Variants in ARHGEF3 observed in about 807,000 individuals in gnomAD.
ARHGEF3 encodes Rho guanine nucleotide exchange factor 3, also known as 59.8 kDA protein.
Under a neutral mutation model 63.2 loss-of-function variants are expected in ARHGEF3, and 28 were observed. That is an observed-to-expected ratio of 0.44 (90% CI 0.33 to 0.61). ARHGEF3 has a LOEUF of 0.61. ARHGEF3 is among the 20% of genes least tolerant of loss of function. The probability of loss-of-function intolerance (pLI) is 0.03; values close to 1 mark genes in which losing one functional copy is unlikely to be tolerated. For missense variants in ARHGEF3, 533 were observed against 659.3 expected (o/e 0.81, Z 2.10); for synonymous variants, 266 against 254.2 (o/e 1.05, Z -0.44).
chr3:57,037,657 G>A (rs578073925), intron 1 of ARHGEF3, among the ~76,000 whole-genome samples: 1 of 152,322 alleles, frequency 6.6e-6, no homozygotes, highest in African/African-American at 2.4e-5. Flanking sequence ...GGCGGATCAC[G>A]AGGTCAGGAG....
Position 56,792,568 on chromosome 3 carries a change from A to G in ARHGEF3, c.96+9135T>C, listed in dbSNP as rs190502616. ...TGTGTGATCTTGGGCAAATCATTGG[A>G]CCTCTCTGACCCTTGGTATCTCGTC... is the stretch of plus-strand genomic sequence containing the variant. On this transcript the variant is annotated intron_variant, in intron 1 of 9. Coordinates refer to ENST00000296315, the MANE Select transcript of ARHGEF3 (RefSeq NM_019555.3). Among the ~76,000 whole-genome samples, 98 of 152,260 alleles carry G rather than the reference A, an allele frequency of 6.4e-4. 1 individual carries two copies. The highest frequency in any genetic ancestry group is 2.1e-3 in the African/African-American group (89 of 41,534).
At chr3:56,969,487 T>C (rs1700811353) in intron 2 of ARHGEF3, among the ~76,000 whole-genome samples, 1 of 152,068 alleles carries the variant, frequency 6.6e-6, no homozygotes, top group South Asian at 2.1e-4. Context: ...AAGGTACATA[T>C]AAGGGCCGGG....
intron 1 of ARHGEF3, among the ~76,000 whole-genome samples, chr3:56,799,741 G>A (rs7637380): frequency 0.43 from 65,767 of 152,072 alleles, 17,081 homozygotes; most frequent in Non-Finnish European, 0.56. Context: ...ACTCACTTAG[G>A]TTTCTTTTTC....
chr3:56,815,309 A>G (rs1578586539), intron 4 of ARHGEF3, among the ~76,000 whole-genome samples: 1 of 152,298 alleles, frequency 6.6e-6, no homozygotes, highest in African/African-American at 2.4e-5. Flanking sequence ...GATTCTATTA[A>G]ACAGCAAAGA....
chr3:56,844,970 C>T (rs1019022667), intron 4 of ARHGEF3, among the ~76,000 whole-genome samples: 4 of 152,158 alleles, frequency 2.6e-5, no homozygotes, highest in Non-Finnish European at 5.9e-5. Flanking sequence ...GTTATGTACT[C>T]ATATTTTGAG....
chr3:56,901,026 A>C (rs1211392301), intron 3 of ARHGEF3, among the ~76,000 whole-genome samples: 1 of 152,188 alleles, frequency 6.6e-6, no homozygotes, highest in African/African-American at 2.4e-5. Context: ...TAGGGGTGGA[A>C]AGTGGGTAAT....
At chr3:56,968,062 A>T (rs1351368644) in intron 2 of ARHGEF3, among the ~76,000 whole-genome samples, 1 of 12,778 alleles carries the variant, frequency 7.8e-5, no homozygotes, top group African/African-American at 2.5e-4. Flanking sequence ...AATATATATA[A>T]TATATATAAT....
chr3:56,884,742 G>C (rs889869072), intron 3 of ARHGEF3, among the ~76,000 whole-genome samples: 5 of 152,246 alleles, frequency 3.3e-5, no homozygotes, highest in African/African-American at 4.8e-5. Flanking sequence ...CGTTTGTACA[G>C]GGCCCTGATC....
intron 4 of ARHGEF3, among the ~76,000 whole-genome samples, chr3:56,879,889 G>A (rs1394327152): frequency 2.6e-5 from 4 of 152,170 alleles, no homozygotes; most frequent in Non-Finnish European, 5.9e-5. Context: ...CTTCTCCTGT[G>A]TGGCTCTATC....
intron 2 of ARHGEF3, among the ~76,000 whole-genome samples, chr3:57,027,677 A>G (rs1703532106): frequency 6.6e-6 from 1 of 152,160 alleles, no homozygotes; most frequent in Non-Finnish European, 1.5e-5. Flanking sequence ...CAACGTGGTG[A>G]AACCCTTTTT....
At chr3:56,933,507 C>T (rs1258630515) in intron 3 of ARHGEF3, among the ~76,000 whole-genome samples, 1 of 151,636 alleles carries the variant, frequency 6.6e-6, no homozygotes, top group African/African-American at 2.4e-5. Context: ...GCAGCCTTGA[C>T]CTCCTGGGCT....
In ARHGEF3 at chr3:56,935,204, C is replaced by T. The variant is rs190334964; in HGVS notation, c.129+23619G>A. ...GAATGCACCAATCGACACTCTGTATCTAGCTACTCTGGTGGGGCCTTGGAG... is the reference window on the plus strand; with the variant it reads ...GAATGCACCAATCGACACTCTGTATTTAGCTACTCTGGTGGGGCCTTGGAG... On this transcript the variant is annotated intron_variant, in intron 3 of 12. Transcript: ENST00000338458. 4.1e-3 allele frequency among the ~76,000 whole-genome samples: 625 copies of T among 152,316 alleles called. 6 individuals are homozygous for T. The highest frequency in any genetic ancestry group is 0.014 in the African/African-American group (593 of 41,570).
Position 56,729,556 on chromosome 3 carries a change from T to G in ARHGEF3, c.1295A>C (p.Asn432Thr). The change falls in exon 10 of 10, where the codon AAT (asparagine) becomes ACT (threonine). Residue 432 changes from asparagine (N) to threonine (T), a missense_variant. Transcript: ENST00000296315. The stretch of plus-strand genomic sequence containing the variant: ...CCACTGCTGTTTGTTGAAAGTGTCA[T>G]TGGCTTGTAGCGAGTGGGTCTGACT... ...SQSQTHSLQA[N>T]DTFNKQQWLN... 6.2e-7 allele frequency: 1 copy of G among 1,614,110 alleles called. No individual in the cohort carries two copies. Among genetic ancestry groups the G allele is most frequent in the Non-Finnish European group, 8.5e-7 (1 of 1,179,962 alleles).
At chr3:57,020,663 G>C (rs1407750005) in intron 2 of ARHGEF3, among the ~76,000 whole-genome samples, 1 of 152,230 alleles carries the variant, frequency 6.6e-6, no homozygotes, top group African/African-American at 2.4e-5. Flanking sequence ...AAACGTTCCT[G>C]AGAATGATTT....
At chr3:57,033,695 A>G (rs1050211556) in intron 2 of ARHGEF3, among the ~76,000 whole-genome samples, 8 of 152,104 alleles carry the variant, frequency 5.3e-5, no homozygotes, top group African/African-American at 1.7e-4. Flanking sequence ...ATGGGAGTCA[A>G]TGGGGATTTC....
chr3:56,789,489 C>T (rs941136636), intron 1 of ARHGEF3, among the ~76,000 whole-genome samples: 5 of 152,200 alleles, frequency 3.3e-5, no homozygotes, highest in African/African-American at 1.2e-4. Flanking sequence ...TCCTATAACA[C>T]ATTAAAGCCA....
chr3:56,741,617 C>T (rs529830554), intron 7 of ARHGEF3, among the ~76,000 whole-genome samples: 64 of 148,760 alleles, frequency 4.3e-4, no homozygotes, highest in Admixed American at 7.6e-4. Flanking sequence ...CATTCTCCTG[C>T]CTCAGCCTCC....
At chr3:56,836,441 C>G (rs2039109727) in intron 4 of ARHGEF3, among the ~76,000 whole-genome samples, 1 of 152,166 alleles carries the variant, frequency 6.6e-6, no homozygotes, top group Non-Finnish European at 1.5e-5. Flanking sequence ...TTGCCTCATT[C>G]ACTCATTCAG....
At chr3:56,989,656 C>A (rs1560111206) in intron 2 of ARHGEF3, among the ~76,000 whole-genome samples, 1 of 152,128 alleles carries the variant, frequency 6.6e-6, no homozygotes, top group African/African-American at 2.4e-5. Flanking sequence ...CATCTGGCCT[C>A]TAGTAAGGCT....
Sources: allele counts gnomAD v4.1 joint callset (sites outside exome capture counted in the v4.1 genomes callset), GRCh38; gene constraint gnomAD v4.1.1; transcripts MANE v1.5; gene names NCBI Gene and HGNC (gene_info 2026-07-23, HGNC 2026-07-21).